Variants in VPS37A observed in about 807,000 individuals in gnomAD.
VPS37A encodes the protein VPS37A subunit of ESCRT-I, also known as vacuolar protein sorting-associated protein 37A.
VPS37A carries 30 observed loss-of-function variants against 49.8 expected under a neutral mutation model. That is an observed-to-expected ratio of 0.60 (90% CI 0.45 to 0.82). The LOEUF (loss-of-function observed/expected upper bound fraction) is 0.82, where lower values mean the gene tolerates loss of function less well. Ranked by LOEUF, VPS37A falls within the 40% of genes least tolerant of loss-of-function variation. The pLI is 0.00. For missense variants in VPS37A, 593 were observed against 464.4 expected (o/e 1.28, Z -2.55); for synonymous variants, 195 against 160.6 (o/e 1.21, Z -1.62).
chr8:17,296,295 C>T lies in VPS37A; in HGVS notation c.*1309C>T, dbSNP rs748145429. 7 of 152,082 alleles carry T rather than the reference C, an allele frequency of 4.6e-5. No individual in the cohort carries two copies. The highest frequency in any genetic ancestry group is 7.4e-5 in the Non-Finnish European group (5 of 67,998). 9.4% of individuals were successfully genotyped at this position (152,082 alleles called of 1,614,324 possible). On this transcript the variant is annotated 3_prime_UTR_variant, in exon 12 of 12. Coordinates refer to ENST00000324849, the MANE Select transcript of VPS37A (RefSeq NM_152415.3). Reference sequence around the variant, plus strand: ...GTGGACTGAGATACAATGTTGGATACAGAAAATAACTTTCATTGTCTTCCT... The same window carrying T: ...GTGGACTGAGATACAATGTTGGATATAGAAAATAACTTTCATTGTCTTCCT...
chr8:17,311,535 G>T, the VPS37A span: 2 of 1,614,178 alleles, frequency 1.2e-6, no homozygotes, highest in South Asian at 2.2e-5. Flanking sequence ...GAGTCCGGTA[G>T]TGAGGGTCCA....
downstream of VPS37A, among the ~76,000 whole-genome samples, chr8:17,307,229 A>G (rs1332093905): frequency 6.6e-6 from 1 of 152,248 alleles, no homozygotes; most frequent in Admixed American, 6.5e-5. Flanking sequence ...GGCAAAGGAT[A>G]TGAAAAGACA....
intron 11 of VPS37A, among the ~76,000 whole-genome samples, chr8:17,291,889 C>G (rs1461088595): frequency 6.6e-6 from 1 of 152,036 alleles, no homozygotes; most frequent in East Asian, 1.9e-4. Context: ...GTTTTACTTC[C>G]AATTATGTGG....
At chr8:17,304,951 T>G (rs1240696073), downstream of VPS37A, among the ~76,000 whole-genome samples, 1 of 152,146 alleles carries the variant, frequency 6.6e-6, no homozygotes, top group Non-Finnish European at 1.5e-5. Flanking sequence ...TTTCCCAAAG[T>G]CCTATAGCTA....
intron 4 of VPS37A, among the ~76,000 whole-genome samples, chr8:17,271,558 A>G (rs1354430677): frequency 6.6e-6 from 1 of 152,156 alleles, no homozygotes; most frequent in East Asian, 1.9e-4. Flanking sequence ...GTGAGCCGAG[A>G]TCACGCCACT....
chr8:17,254,290 G>C (rs1339991038), intron 1 of VPS37A, among the ~76,000 whole-genome samples: 2 of 152,148 alleles, frequency 1.3e-5, no homozygotes, highest in African/African-American at 2.4e-5. Flanking sequence ...TTCCTGGGGA[G>C]TCAGTAGCTG....
intron 4 of VPS37A, among the ~76,000 whole-genome samples, chr8:17,270,972 A>G (rs974313350): frequency 5.9e-5 from 9 of 152,186 alleles, no homozygotes; most frequent in African/African-American, 1.9e-4. Context: ...CCACTGTACA[A>G]TGGTAGAACA....
intron 1 of VPS37A, 149 bp from the exon 2 acceptor site, chr8:17,265,758 C>T: frequency 6.5e-7 from 1 of 1,530,886 alleles, no homozygotes; most frequent in Non-Finnish European, 8.8e-7. Context: ...TGATCATTTT[C>T]CTTCCCCTCA....
At chr8:17,274,398 A>G (rs1190559627) in intron 4 of VPS37A, among the ~76,000 whole-genome samples, 1 of 152,186 alleles carries the variant, frequency 6.6e-6, no homozygotes, top group African/African-American at 2.4e-5. Flanking sequence ...CCCTCTATGG[A>G]GATACTGATT....
intron 4 of VPS37A, among the ~76,000 whole-genome samples, chr8:17,273,135 A>C (rs969954748): frequency 1.3e-5 from 2 of 150,492 alleles, no homozygotes; most frequent in East Asian, 3.9e-4. Flanking sequence ...TATAGCCACA[A>C]AGTATTTGTT....
At chr8:17,258,388 T>G (rs1431285243) in intron 1 of VPS37A, among the ~76,000 whole-genome samples, 1 of 152,220 alleles carries the variant, frequency 6.6e-6, no homozygotes, top group East Asian at 1.9e-4. Flanking sequence ...CAGCATCTGT[T>G]GAAACAATCA....
intron 9 of VPS37A, among the ~76,000 whole-genome samples, chr8:17,283,940 A>G (rs1362070310): frequency 6.6e-6 from 1 of 152,216 alleles, no homozygotes; most frequent in Non-Finnish European, 1.5e-5. Flanking sequence ...TAAGAATATT[A>G]AATCTTTCAA....
chr8:17,330,766 A>G, the VPS37A span, among the ~76,000 whole-genome samples: 2 of 152,190 alleles, frequency 1.3e-5, no homozygotes, highest in South Asian at 4.1e-4. Context: ...TTCAGCAAGG[A>G]TCAGTTTTTG....
chr8:17,271,358 C>A (rs1052153499), intron 4 of VPS37A, among the ~76,000 whole-genome samples: 1 of 152,198 alleles, frequency 6.6e-6, no homozygotes, highest in Non-Finnish European at 1.5e-5. Flanking sequence ...GTAATCCCAG[C>A]ACTTTGGGAG....
At chr8:17,315,544 G>A in the VPS37A span, among the ~76,000 whole-genome samples, 2 of 152,184 alleles carry the variant, frequency 1.3e-5, no homozygotes, top group Non-Finnish European at 2.9e-5. Context: ...GAATAATGCA[G>A]GTGGCTGTGC....
intron 6 of VPS37A, among the ~76,000 whole-genome samples, chr8:17,276,964 A>G (rs1424511882): frequency 6.6e-6 from 1 of 152,094 alleles, no homozygotes; most frequent in Admixed American, 6.6e-5. Context: ...TTGCTTCTCT[A>G]AAATGTTTCA....
At chr8:17,317,947 C>T in the VPS37A span, among the ~76,000 whole-genome samples, 1 of 151,890 alleles carries the variant, frequency 6.6e-6, no homozygotes, top group South Asian at 2.1e-4. Context: ...AGTGGGAAGT[C>T]AGGAGGAGGT....
At chr8:17,317,972 A>T in the VPS37A span, among the ~76,000 whole-genome samples, 2 of 151,930 alleles carry the variant, frequency 1.3e-5, no homozygotes, top group African/African-American at 4.8e-5. Context: ...AAGTTATTAT[A>T]TGTTGTGTTT....
intron 11 of VPS37A, among the ~76,000 whole-genome samples, chr8:17,288,397 G>A (rs1815820253): frequency 6.6e-6 from 1 of 152,086 alleles, no homozygotes; most frequent in Non-Finnish European, 1.5e-5. Context: ...ACAGGCTCCA[G>A]TGTGTGATGT....
Sources: gnomAD v4.1 joint callset for allele counts (sites outside exome capture counted in the v4.1 genomes callset) on GRCh38, gnomAD v4.1.1 for gene constraint, MANE v1.5 for transcripts, NCBI Gene and HGNC (gene_info 2026-07-23, HGNC 2026-07-21) for gene names.